Variants in PDZD2 observed in about 807,000 individuals in gnomAD.
PDZD2 encodes the protein PDZ domain-containing protein 2.
PDZD2 carries 90 observed loss-of-function variants against 220.7 expected under a neutral mutation model. That is an observed-to-expected ratio of 0.41 (90% CI 0.34 to 0.49). The LOEUF (loss-of-function observed/expected upper bound fraction) is 0.49. PDZD2 is among the 20% of genes least tolerant of loss of function. The probability of loss-of-function intolerance (pLI) is 0.28; values close to 1 mark genes in which losing one functional copy is unlikely to be tolerated. For missense variants in PDZD2, 3,174 were observed against 3,608.5 expected (o/e 0.88, Z 3.08); for synonymous variants, 1,375 against 1,450.5 (o/e 0.95, Z 1.18).
chr5:31,847,271 GT>G, intron 2 of PDZD2: 1 of 295,912 alleles, frequency 3.4e-6, no homozygotes, highest in South Asian at 4.0e-5. Flanking sequence ...GTTCTGTAGG[GT>G]GGGGTTTGTT....
rs542866291 is a variant in PDZD2, at chr5:32,002,926, C to T, written c.1254+2655C>T. Among the ~76,000 whole-genome samples, 651 of 123,518 alleles carry T rather than the reference C, an allele frequency of 5.3e-3. 7 individuals carry two copies. The highest frequency in any genetic ancestry group is 0.019 in the African/African-American group (617 of 32,074). The allele number at this position is 123,518 out of a possible 152,430, so 81.0% of individuals were successfully genotyped here. ...ACCCCCACCACACACACACCACACA[C>T]ACCTCACACACCACGAACACACACA... On this transcript the variant is annotated intron_variant, in intron 5 of 24. Coordinates refer to ENST00000438447, the MANE Select transcript of PDZD2 (RefSeq NM_178140.4).
intron 14 of PDZD2, among the ~76,000 whole-genome samples, chr5:32,068,692 C>T (rs1294662206): frequency 1.3e-5 from 2 of 152,170 alleles, no homozygotes; most frequent in African/African-American, 4.8e-5. Context: ...ATCAATGTTG[C>T]ATTTCCTGAA....
chr5:31,694,424 T>C (rs1747284720), intron 1 of PDZD2, among the ~76,000 whole-genome samples: 1 of 151,262 alleles, frequency 6.6e-6, no homozygotes, highest in African/African-American at 2.4e-5. Context: ...AAACAATGCT[T>C]GCAGAATGTT....
intron 2 of PDZD2, among the ~76,000 whole-genome samples, chr5:31,890,001 C>T (rs1004860303): frequency 9.9e-5 from 15 of 151,852 alleles, no homozygotes; most frequent in South Asian, 6.3e-4. Context: ...CCAGCCTGGG[C>T]GACAGAGTGA....
rs560179608 is a variant in PDZD2 at position 32,016,765 on chromosome 5, G to A, written c.1407+6283G>A. ...CCACTTGCTATTTATGTAACTTCAG[G>A]ATTCACCTCTTCCAGGAAGTCTTCC... On this transcript the variant is annotated intron_variant, in intron 6 of 24. Transcript: ENST00000438447. Among the ~76,000 whole-genome samples the A allele has an allele frequency of 5.3e-5, 8 of 152,196 alleles. No homozygotes were observed. In the East Asian group the frequency reaches 1.5e-3, roughly 29 times the overall value.
At chr5:31,879,806 A>T (rs1739693654) in intron 2 of PDZD2, among the ~76,000 whole-genome samples, 1 of 151,824 alleles carries the variant, frequency 6.6e-6, no homozygotes, top group East Asian at 1.9e-4. Context: ...TATTTCTGGA[A>T]TTGAAAAAAA....
chr5:31,968,530 G>T (rs1308609633), intron 2 of PDZD2, among the ~76,000 whole-genome samples: 1 of 152,108 alleles, frequency 6.6e-6, no homozygotes, highest in Non-Finnish European at 1.5e-5. Context: ...GCGTATGCCT[G>T]TAATCCCAGC....
chr5:31,782,647 G>A (rs10062580), intron 1 of PDZD2, among the ~76,000 whole-genome samples: 2,952 of 150,724 alleles, frequency 0.02, 42 homozygotes, highest in Non-Finnish European at 0.029. Flanking sequence ...TGGATCTAGC[G>A]TATCTTTAAG....
intron 2 of PDZD2, among the ~76,000 whole-genome samples, chr5:31,882,046 G>A (rs1739977809): frequency 6.6e-6 from 1 of 152,126 alleles, no homozygotes; most frequent in Non-Finnish European, 1.5e-5. Flanking sequence ...ATAGTGCTTA[G>A]TTTGACTCCA....
intron 2 of PDZD2, among the ~76,000 whole-genome samples, chr5:31,953,059 CAAAA>C (rs776311443): frequency 1.9e-5 from 1 of 54,004 alleles, no homozygotes; most frequent in Non-Finnish European, 3.8e-5. Flanking sequence ...GACTCCATCT[CAAAA>C]AAAAAAAAAA....
chr5:31,745,475 C>G (rs1256712837), intron 1 of PDZD2, among the ~76,000 whole-genome samples: 2 of 152,166 alleles, frequency 1.3e-5, no homozygotes, highest in East Asian at 3.9e-4. Context: ...AAGTCTTTGT[C>G]CTCCAAGAAG....
chr5:32,074,476 G>A lies in PDZD2; in HGVS notation c.3370G>A (p.Val1124Ile). 1 of 1,614,102 alleles carries A rather than the reference G, an allele frequency of 6.2e-7. No homozygotes were observed. The highest frequency in any genetic ancestry group is 8.5e-7 in the Non-Finnish European group (1 of 1,179,926). ...CTCCAGGCACAGACCAGTGGCCAGG[G>A]TAAGCCCCCACTGCAAGAGATCCGA... The part of the protein sequence containing the change: ...LGSRHRPVAR[V>I]SPHCKRSEAE... Residue 1124 changes from valine (V) to isoleucine (I), a missense_variant, in exon 18 of 25, where the codon GTA becomes ATA. Coordinates refer to ENST00000438447, the MANE Select transcript of PDZD2 (RefSeq NM_178140.4).
At chr5:31,867,583 C>A (rs1243781348) in intron 2 of PDZD2, among the ~76,000 whole-genome samples, 1 of 152,136 alleles carries the variant, frequency 6.6e-6, no homozygotes, top group East Asian at 1.9e-4. Context: ...GTTCAAGGAC[C>A]AGGGTATCAG....
At chr5:31,980,877 G>A (rs1379045221) in intron 2 of PDZD2, among the ~76,000 whole-genome samples, 1 of 152,110 alleles carries the variant, frequency 6.6e-6, no homozygotes, top group African/African-American at 2.4e-5. Flanking sequence ...TCTGCCTTTC[G>A]GGTTCAAGCG....
intron 2 of PDZD2, among the ~76,000 whole-genome samples, chr5:31,930,299 G>A (rs1745161963): frequency 1.4e-5 from 2 of 145,960 alleles, no homozygotes; most frequent in Admixed American, 1.4e-4. Context: ...TCTGCCTCCC[G>A]GGTTCACGCC....
intron 1 of PDZD2, among the ~76,000 whole-genome samples, chr5:31,653,783 T>TG (rs1745439991): frequency 2.0e-5 from 3 of 147,852 alleles, no homozygotes; most frequent in African/African-American, 7.5e-5. Flanking sequence ...ATTCAGTATA[T>TG]GTTTTTTGTT....
At chr5:31,796,318 G>A (rs769375620) in intron 1 of PDZD2, among the ~76,000 whole-genome samples, 90 of 152,292 alleles carry the variant, frequency 5.9e-4, no homozygotes, top group Non-Finnish European at 1.1e-3. Context: ...ATGCAGCCCC[G>A]TCCAGGATGG....
chr5:31,814,542 C>T (rs558036060), intron 2 of PDZD2, among the ~76,000 whole-genome samples: 81 of 152,182 alleles, frequency 5.3e-4, no homozygotes, highest in African/African-American at 1.8e-3. Flanking sequence ...ATGGAATTAG[C>T]CCTGGTGTCG....
At chr5:31,707,730 G>C (rs1442974757) in intron 1 of PDZD2, among the ~76,000 whole-genome samples, 1 of 152,130 alleles carries the variant, frequency 6.6e-6, no homozygotes, top group Non-Finnish European at 1.5e-5. Flanking sequence ...GTGTTCAAGT[G>C]ATCCTCCTGT....
Sources: gnomAD v4.1 joint callset for allele counts (sites outside exome capture counted in the v4.1 genomes callset) on GRCh38, gnomAD v4.1.1 for gene constraint, MANE v1.5 for transcripts, NCBI Gene and HGNC (gene_info 2026-07-23, HGNC 2026-07-21) for gene names.